RSAD1: variants seen among roughly 807,000 people sequenced by gnomAD.
RSAD1 encodes the protein radical S-adenosyl methionine domain containing 1, also known as radical S-adenosyl methionine domain-containing protein 1, mitochondrial.
A neutral mutation model predicts 46.2 loss-of-function variants in RSAD1; 34 were observed. That is an observed-to-expected ratio of 0.74 (90% CI 0.56 to 0.98). The LOEUF is 0.98. Ranked by LOEUF, RSAD1 falls within the 50% of genes least tolerant of loss-of-function variation. The pLI, the probability that RSAD1 is intolerant of heterozygous loss-of-function variation, is 0.00. For missense variants in RSAD1, 635 were observed against 592.3 expected (o/e 1.07, Z -0.75); for synonymous variants, 260 against 253.5 (o/e 1.03, Z -0.24).
At position 50,482,129 on chromosome 17, in the gene RSAD1, G is replaced by C. The variant is rs141354308; in HGVS notation, c.513G>C (p.Thr171=). 2 of 1,587,602 alleles carry C rather than the reference G, an allele frequency of 1.3e-6. No homozygotes were observed. Among genetic ancestry groups the C allele is most frequent in the Non-Finnish European group, 1.7e-6 (2 of 1,163,768 alleles). The stretch of plus-strand genomic sequence containing the variant: ...CTGAGCTCCGGCTGTTGGGACGGAC[G>C]CACTCGGCCTGCGATGCTCTGCGGA... The part of the protein sequence containing the change: ...DDTELRLLGR[T]HSACDALRTL... Residue 171 remains threonine, a synonymous_variant, in exon 4 of 9, where the codon ACG becomes ACC. Coordinates refer to ENST00000258955, the MANE Select transcript of RSAD1 (RefSeq NM_018346.3).
intron 3 of RSAD1, 152 bp downstream of exon 3, chr17:50,480,236 T>A: frequency 1.4e-6 from 1 of 717,464 alleles, no homozygotes; most frequent in Non-Finnish European, 2.4e-6. Context: ...TATAACTCCT[T>A]AATTGTCTGC....
In RSAD1 at chr17:50,478,937, C is replaced by A. The variant is rs2033344249; in HGVS notation, c.53C>A (p.Ala18Asp). The change falls in exon 1 of 9, where the codon GCC (alanine) becomes GAC (aspartate). Residue 18 changes from alanine to aspartate, a missense_variant. By Grantham distance (126) the Ala-to-Asp change is moderately radical (BLOSUM62 -2). Coordinates refer to ENST00000258955, the MANE Select transcript of RSAD1 (RefSeq NM_018346.3). ...GGCTGGGCGGCAGCAGCCAGAGCGGCCCAGAGGCGCCGCCGCGTGGAGAAC... is the reference window on the plus strand; with the variant it reads ...GGCTGGGCGGCAGCAGCCAGAGCGGACCAGAGGCGCCGCCGCGTGGAGAAC... ...ARGWAAAARA[A>D]QRRRRVENAG... 7.2e-7 allele frequency: 1 copy of A among 1,385,128 alleles called. No individual in the cohort carries two copies. The highest frequency in any genetic ancestry group is 1.7e-5 in the South Asian group (1 of 59,808). The allele number at this position is 1,385,128 out of a possible 1,614,324, so 85.8% of individuals were successfully genotyped here.
At chr17:50,479,375 G>C in intron 1 of RSAD1, 1 of 522,416 alleles carries the variant, frequency 1.9e-6, no homozygotes. Flanking sequence ...GAAAGAGCTT[G>C]GGTTGAATTC....
At position 50,484,760 on chromosome 17, in the gene RSAD1, T is replaced by C; in HGVS notation, c.1228T>C (p.Trp410Arg). Residue 410 changes from tryptophan to arginine, a missense_variant, in exon 9 of 9, where the codon TGG (tryptophan) becomes CGG (arginine). Transcript: ENST00000258955. ...GTTTTCCAGGGGTCTTCGGTGTTCC[T>C]GGGAGGGTCTGGCTGTGCTGGACTC... ...QLDHRGLRCSWEGLAVLDSLL... is the reference protein window; with the variant it reads ...QLDHRGLRCSREGLAVLDSLL... 1 of 1,613,938 alleles carries C rather than the reference T, an allele frequency of 6.2e-7. No homozygotes were observed.
intron 7 of RSAD1, 54 bp from the exon 8 acceptor site, chr17:50,484,388 G>T: frequency 6.7e-7 from 1 of 1,501,554 alleles, no homozygotes. Context: ...CCCCAACTAT[G>T]TGGCCCAGAG....
chr17:50,482,701 G>A lies in RSAD1; in HGVS notation c.899G>A (p.Gly300Glu), dbSNP rs1360977960. 4 of 1,613,902 alleles carry A rather than the reference G, an allele frequency of 2.5e-6. No homozygotes were observed. The highest frequency in any genetic ancestry group is 3.4e-6 in the Non-Finnish European group (4 of 1,179,986). The change falls in exon 5 of 9, where the codon GGG becomes GAG. Residue 300 changes from glycine (G) to glutamate (E), a missense_variant. Physicochemically the swap from Gly to Glu is moderately conservative, Grantham distance 98 (BLOSUM62 -2). Transcript: ENST00000258955. ...YWQCGQYLGV[G>E]PGAHGRFMPQ... The stretch of plus-strand genomic sequence containing the variant: ...CAGTGTGGTCAGTACCTTGGCGTTG[G>A]GCCTGGTGAGTCCCGTGAACTACAG...
rs948161620 is a variant in RSAD1, at chr17:50,482,372, C to T, written c.756C>T (p.Leu252=). ...RGALPAPDPE[L]AAEMYQRGRA... ...CCCTTCCAGCCCCTGACCCGGAGCT[C>T]GCAGCTGAGATGTACCAGAGGGGCC... The change falls in exon 4 of 9, where the codon CTC becomes CTT. Residue 252 remains leucine, a synonymous_variant. Coordinates refer to ENST00000258955, the MANE Select transcript of RSAD1 (RefSeq NM_018346.3). The T allele has an allele frequency of 3.7e-6, 6 of 1,609,560 alleles. No homozygotes were observed. Among genetic ancestry groups the T allele is most frequent in the Middle Eastern group, 1.7e-4 (1 of 6,050 alleles).
Position 50,483,728 on chromosome 17 carries a change from G to T in RSAD1, c.1075G>T (p.Gly359Trp), listed in dbSNP as rs2033414411. 6.2e-7 allele frequency: 1 copy of T among 1,613,092 alleles called. No homozygotes were observed. The highest frequency in any genetic ancestry group is 8.5e-7 in the Non-Finnish European group (1 of 1,179,732). Residue 359 changes from glycine (G) to tryptophan (W), a missense_variant, in exon 7 of 9, where the codon GGG (glycine) becomes TGG (tryptophan). Physicochemically the swap from Gly to Trp is radical, Grantham distance 184. Transcript: ENST00000258955. Reference protein sequence around the residue: ...LELLEEVLALGLRTDVGITHQ... With the variant: ...LELLEEVLALWLRTDVGITHQ... The stretch of plus-strand genomic sequence containing the variant: ...GAGGCTGGAGGAAGTTTTGGCCCTG[G>T]GGCTACGCACCGATGTGGGGATCAC...
intron 7 of RSAD1, 45 bp from the exon 8 acceptor site, chr17:50,484,397 A>C (rs2143838415): frequency 6.4e-7 from 1 of 1,564,344 alleles, no homozygotes; most frequent in East Asian, 2.2e-5. Context: ...TGTGGCCCAG[A>C]GTAGCCAGGC....
chr17:50,479,086 A>C, intron 1 of RSAD1, 67 bp downstream of exon 1: 2 of 1,267,958 alleles, frequency 1.6e-6, no homozygotes, highest in South Asian at 2.9e-5. Context: ...GTGGCCGTCC[A>C]AAACCCAGGT....
chr17:50,479,961 A>G lies in RSAD1; in HGVS notation c.351A>G (p.Ala117=), dbSNP rs758505249. The G allele has an allele frequency of 1.9e-6, 3 of 1,614,120 alleles. No individual in the cohort carries two copies. The South Asian group carries it at 3.3e-5, about 18-fold the overall frequency. The change falls in exon 3 of 9, where the codon GCA becomes GCG. Residue 117 remains alanine (A), a synonymous_variant. Coordinates refer to ENST00000258955, the MANE Select transcript of RSAD1 (RefSeq NM_018346.3). ...TGGCTGCTGTCCTGGAGGCTGTGGC[A>G]CAGGCAGCCCACCTGCCTGCAGACT... ...HTVAAVLEAV[A]QAAHLPADLE... is the part of the protein sequence containing the mutation.
At position 50,484,499 on chromosome 17, in the gene RSAD1, G is replaced by A; in HGVS notation, c.1165G>A (p.Glu389Lys). 4 of 1,613,770 alleles carry A rather than the reference G, an allele frequency of 2.5e-6. No homozygotes were observed. Among genetic ancestry groups the A allele is most frequent in the Non-Finnish European group, 3.4e-6 (4 of 1,180,022 alleles). ...GTGGGATGTGTTTGGAGCGAACAAG[G>A]AGGTGCAGGAGCTGCTGGAGCGGGG... is the stretch of plus-strand genomic sequence containing the variant. ...TLWDVFGANK[E>K]VQELLERGLL... Residue 389 changes from glutamate to lysine, a missense_variant, in exon 8 of 9, where the codon GAG becomes AAG. Physicochemically the swap from Glu to Lys is moderately conservative, Grantham distance 56 (BLOSUM62 1). Coordinates refer to ENST00000258955, the MANE Select transcript of RSAD1 (RefSeq NM_018346.3).
In RSAD1 at chr17:50,479,031, C is replaced by G; in HGVS notation, c.135+12C>G. ...CGCTTTACGTACACGTGAGTAGGGG[C>G]GGGGGCGGAGCCCACGGTGTGTGGC... On this transcript the variant is annotated intron_variant, in intron 1 of 8. Transcript: ENST00000258955. 1.5e-6 allele frequency: 2 copies of G among 1,328,114 alleles called. No individual in the cohort carries two copies. The highest frequency in any genetic ancestry group is 3.0e-5 in the East Asian group (1 of 32,878). The allele number at this position is 1,328,114 out of a possible 1,614,324, so 82.3% of individuals were successfully genotyped here.
chr17:50,483,641 A>G, intron 6 of RSAD1, 65 bp from the exon 7 acceptor site: 1 of 1,601,672 alleles, frequency 6.2e-7, no homozygotes, highest in Non-Finnish European at 8.6e-7. Flanking sequence ...ATCCCAGTGT[A>G]GAATTTGGAG....
In RSAD1 at chr17:50,478,909, C is replaced by G. The variant is rs1236369641; in HGVS notation, c.25C>G (p.Arg9Gly). The G allele has an allele frequency of 1.5e-6, 2 of 1,320,168 alleles. No individual in the cohort carries two copies. Among genetic ancestry groups the G allele is most frequent in the South Asian group, 2.2e-5 (1 of 45,272 alleles). 81.8% of individuals were successfully genotyped at this position (1,320,168 alleles called of 1,614,324 possible). Residue 9 changes from arginine to glycine, a missense_variant, in exon 1 of 9, where the codon CGC becomes GGC. Coordinates refer to ENST00000258955, the MANE Select transcript of RSAD1 (RefSeq NM_018346.3). MALPGARA[R>G]GWAAAARAAQ... is the part of the protein sequence containing the mutation. ...CATGGCGCTCCCCGGAGCCCGGGCTCGCGGCTGGGCGGCAGCAGCCAGAGC... is the reference window on the plus strand; with the variant it reads ...CATGGCGCTCCCCGGAGCCCGGGCTGGCGGCTGGGCGGCAGCAGCCAGAGC...
chr17:50,480,351 T>C, intron 3 of RSAD1: 1 of 497,296 alleles, frequency 2.0e-6, no homozygotes, highest in East Asian at 3.7e-5. Flanking sequence ...CAAAAAAGAT[T>C]TGCTACATGA....
chr17:50,484,113 G>T, intron 7 of RSAD1: 1 of 437,626 alleles, frequency 2.3e-6, no homozygotes, highest in Middle Eastern at 5.8e-4. Context: ...CTCATAGGAA[G>T]CACAGTAGAT....
chr17:50,484,705 A>G (rs2033429848), intron 8 of RSAD1, 39 bp from the exon 9 acceptor site: 2 of 1,582,664 alleles, frequency 1.3e-6, no homozygotes, highest in African/African-American at 1.3e-5. Context: ...TGAAATTGGT[A>G]AGATGAAGTA....
intron 8 of RSAD1, 44 bp from the exon 9 acceptor site, chr17:50,484,700 T>C: frequency 6.3e-7 from 1 of 1,579,634 alleles, no homozygotes; most frequent in African/African-American, 1.3e-5. Context: ...GGGCTTGAAA[T>C]TGGTAAGATG....
Sources: allele counts gnomAD v4.1 joint callset, GRCh38; gene constraint gnomAD v4.1.1; transcripts MANE v1.5; gene names NCBI Gene and HGNC (gene_info 2026-07-23, HGNC 2026-07-21).